SEMA3D: variants seen among roughly 807,000 people sequenced by gnomAD.
SEMA3D encodes semaphorin 3D.
In SEMA3D, 84 loss-of-function variants were observed where a neutral mutation model predicts 100.1. The ratio of observed to expected loss-of-function variants is 0.84; its 90% CI spans 0.70 to 1.01. The LOEUF (loss-of-function observed/expected upper bound fraction) is 1.01. Ranked by LOEUF, SEMA3D falls within the 50% of genes least tolerant of loss-of-function variation. The pLI is 0.00. For missense variants in SEMA3D, 875 were observed against 934.1 expected, an observed-to-expected ratio of 0.94 and a Z score of 0.82; for synonymous variants, 312 against 320.7, an observed-to-expected ratio of 0.97 and a Z score of 0.29.
At chr7:85,038,612 A>G (rs1790768792) in intron 11 of SEMA3D, among the ~76,000 whole-genome samples, 1 of 152,136 alleles carries the variant, frequency 6.6e-6, no homozygotes, top group South Asian at 2.1e-4. Context: ...AAAACGAACT[A>G]TCTTGGGGCT....
At chr7:85,135,747 A>G (rs994682110) in intron 2 of SEMA3D, among the ~76,000 whole-genome samples, 5 of 149,938 alleles carry the variant, frequency 3.3e-5, no homozygotes, top group African/African-American at 7.3e-5. Flanking sequence ...AGTTTTGTCA[A>G]GTTTCTCCCT....
intron 16 of SEMA3D, among the ~76,000 whole-genome samples, chr7:85,014,219 C>T (rs1358352147): frequency 6.6e-6 from 1 of 151,688 alleles, no homozygotes; most frequent in East Asian, 1.9e-4. Flanking sequence ...AGTTTAAAAA[C>T]AGACCTAAAA....
the SEMA3D span, among the ~76,000 whole-genome samples, chr7:85,237,952 T>C: frequency 1.3e-5 from 2 of 152,228 alleles, no homozygotes; most frequent in African/African-American, 2.4e-5. Flanking sequence ...GTTTTGGATT[T>C]TGGCCATTCT....
the SEMA3D span, among the ~76,000 whole-genome samples, chr7:85,216,162 G>A: frequency 6.6e-6 from 1 of 151,904 alleles, no homozygotes; most frequent in Non-Finnish European, 1.5e-5. Context: ...CCTAATTTTT[G>A]CCTGAAAGCT....
At chr7:85,045,862 T>C (rs1790993235) in intron 9 of SEMA3D, among the ~76,000 whole-genome samples, 4 of 151,940 alleles carry the variant, frequency 2.6e-5, no homozygotes, top group Non-Finnish European at 5.9e-5. Context: ...ATCTAATCTT[T>C]ACATTTTTTT....
chr7:84,999,892 TA>T (rs1436011788), intron 18 of SEMA3D, 27 bp from the exon 19 acceptor site: 1 of 1,591,984 alleles, frequency 6.3e-7, no homozygotes, highest in Non-Finnish European at 8.6e-7. Context: ...ATGTAGGTAA[TA>T]AATTAAACAC....
At chr7:85,067,244 G>A (rs1460772106) in intron 7 of SEMA3D, among the ~76,000 whole-genome samples, 1 of 151,974 alleles carries the variant, frequency 6.6e-6, no homozygotes, top group African/African-American at 2.4e-5. Flanking sequence ...AAATTACTTG[G>A]AGATTCATCA....
rs776667597 is a variant in SEMA3D, at chr7:85,040,679, G to A, written c.1040C>T (p.Thr347Ile). 6.9e-7 allele frequency: 1 copy of A among 1,450,738 alleles called. No individual in the cohort carries two copies. The highest frequency in any genetic ancestry group is 1.2e-5 in the South Asian group (1 of 86,426). 89.9% of individuals were successfully genotyped at this position (1,450,738 alleles called of 1,614,324 possible). A position where few individuals can be genotyped will look rare whatever the true frequency, so the allele number is the denominator to read the frequency against. Reference sequence around the variant, plus strand: ...AGCATTTTGTTGAACATACCTGGTTGTAGTAAAGACTCCATATACTACAGG... The same window carrying A: ...AGCATTTTGTTGAACATACCTGGTTATAGTAAAGACTCCATATACTACAGG... The part of the protein sequence containing the change: ...RNPVVYGVFT[T>I]TSSIFKGSAV... Residue 347 changes from threonine to isoleucine, a missense_variant, in exon 11 of 19, where the codon ACA (threonine) becomes ATA (isoleucine). Coordinates refer to ENST00000284136, the MANE Select transcript of SEMA3D (RefSeq NM_001384900.1).
At chr7:85,170,789 C>A (rs1791063532) in intron 1 of SEMA3D, among the ~76,000 whole-genome samples, 1 of 151,942 alleles carries the variant, frequency 6.6e-6, no homozygotes, top group African/African-American at 2.4e-5. Context: ...GGTTCCCTAT[C>A]AACTATGGAA....
At chr7:85,155,102 A>C (rs1790548326) in intron 1 of SEMA3D, among the ~76,000 whole-genome samples, 1 of 151,894 alleles carries the variant, frequency 6.6e-6, no homozygotes, top group Admixed American at 6.6e-5. Flanking sequence ...TGAAGTATAC[A>C]GAAAGCATCT....
At chr7:85,016,459 C>T (rs1478880096) in intron 15 of SEMA3D, among the ~76,000 whole-genome samples, 3 of 151,682 alleles carry the variant, frequency 2.0e-5, no homozygotes, top group Non-Finnish European at 1.5e-5. Flanking sequence ...TGGGAGTTGT[C>T]TTTGAATCTT....
At chr7:85,177,756 T>G (rs957070583) in intron 1 of SEMA3D, among the ~76,000 whole-genome samples, 7 of 152,206 alleles carry the variant, frequency 4.6e-5, no homozygotes, top group African/African-American at 1.7e-4. Flanking sequence ...CAGTATTTAT[T>G]TATTATGATA....
rs757701252 is a variant in SEMA3D at position 85,055,738 on chromosome 7, A to G, written c.840T>C (p.Ser280=). The G allele has an allele frequency of 6.6e-7, 1 of 1,519,222 alleles. No individual in the cohort carries two copies. Among genetic ancestry groups the G allele is most frequent in the Admixed American group, 1.8e-5 (1 of 55,814 alleles). 94.1% of individuals were successfully genotyped at this position (1,519,222 alleles called of 1,614,324 possible). A position where few individuals can be genotyped will look rare whatever the true frequency, so the allele number is the denominator to read the frequency against. ...EGSTSDKTIL[S]RVGRVCKNDV... Reference sequence around the variant, plus strand: ...TTGCCTTACAAACTCTTCCAACTCGAGAAAGGATGGTTTTATCGGAGGTAC... The same window carrying G: ...TTGCCTTACAAACTCTTCCAACTCGGGAAAGGATGGTTTTATCGGAGGTAC... Residue 280 remains serine, a synonymous_variant, in exon 9 of 19, where the codon TCT becomes TCC. Transcript: ENST00000284136.
intron 17 of SEMA3D, among the ~76,000 whole-genome samples, chr7:85,008,149 T>G (rs1789851364): frequency 1.3e-5 from 2 of 151,766 alleles, no homozygotes; most frequent in African/African-American, 4.8e-5. Flanking sequence ...AAGAAAGACA[T>G]GCACCATCTT....
chr7:85,082,141 T>C (rs960159780), intron 4 of SEMA3D, among the ~76,000 whole-genome samples: 1 of 152,232 alleles, frequency 6.6e-6, no homozygotes, highest in Non-Finnish European at 1.5e-5. Flanking sequence ...GAGATGGCTG[T>C]ACTTATTCTT....
At chr7:85,223,898 T>TG in the SEMA3D span, among the ~76,000 whole-genome samples, 2 of 150,644 alleles carry the variant, frequency 1.3e-5, no homozygotes, top group Middle Eastern at 3.4e-3. Flanking sequence ...AAAAAGCTGT[T>TG]GAAAAAAAAA....
chr7:85,245,171 G>A, the SEMA3D span, among the ~76,000 whole-genome samples: 2 of 152,014 alleles, frequency 1.3e-5, no homozygotes, highest in East Asian at 1.9e-4. Flanking sequence ...ACAAAACCTC[G>A]AAACAAAAGC....
At chr7:85,228,865 A>G in the SEMA3D span, among the ~76,000 whole-genome samples, 4 of 152,190 alleles carry the variant, frequency 2.6e-5, no homozygotes, top group East Asian at 7.7e-4. Flanking sequence ...AACCCGTTTA[A>G]TGTCTCTGTC....
chr7:85,064,027 T>C (rs1791546250), intron 8 of SEMA3D, among the ~76,000 whole-genome samples: 1 of 152,192 alleles, frequency 6.6e-6, no homozygotes, highest in Admixed American at 6.5e-5. Flanking sequence ...CTTCATACAG[T>C]ACTAAAAATA....
Sources: gnomAD v4.1 joint callset for allele counts (sites outside exome capture counted in the v4.1 genomes callset) on GRCh38, gnomAD v4.1.1 for gene constraint, MANE v1.5 for transcripts, NCBI Gene and HGNC (gene_info 2026-07-23, HGNC 2026-07-21) for gene names.